The following ZNF407 variants were observed in gnomAD, a reference collection of about 807,000 sequenced individuals.
ZNF407 encodes the protein zinc finger protein 407.
A neutral mutation model predicts 131.2 loss-of-function variants in ZNF407; 17 were observed. The observed-to-expected ratio is 0.13, with a 90% CI of 0.09 to 0.19. The LOEUF (loss-of-function observed/expected upper bound fraction) is 0.19, where lower values mean the gene tolerates loss of function less well. Among genes scored for constraint, ZNF407 ranks in the 10% least tolerant of loss-of-function variants. The pLI is 1.00. For missense variants in ZNF407, 2,681 were observed against 2,830.6 expected, an observed-to-expected ratio of 0.95 and a Z score of 1.20; for synonymous variants, 1,156 against 1,062.0, an observed-to-expected ratio of 1.09 and a Z score of -1.72.
intron 6 of ZNF407, 64 bp downstream of exon 6, chr18:74,881,183 A>C: frequency 1.5e-6 from 2 of 1,375,204 alleles, no homozygotes; most frequent in Non-Finnish European, 2.0e-6. Context: ...CCCAGCCTCA[A>C]TTCTTGATGT....
rs1272986885 is a variant in ZNF407 at position 74,633,128 on chromosome 18, TCA to T, written c.2110_2111del (p.Gln704ValfsTer4). On this transcript the variant is annotated frameshift_variant, in exon 2 of 9. Coordinates refer to ENST00000299687, the MANE Select transcript of ZNF407 (RefSeq NM_017757.3). LOFTEE classifies it high-confidence loss of function. The part of the protein sequence containing the change: ...GNEVRHSSKP[Q>X]FQCKKCFYKT... Reference sequence around the variant, plus strand: ...ATGAAGTGAGGCATTCCAGTAAGCCTCAGTTTCAGTGTAAGAAGTGTTTTTAT... The same window carrying T: ...ATGAAGTGAGGCATTCCAGTAAGCCTGTTTCAGTGTAAGAAGTGTTTTTAT... 1.2e-6 allele frequency: 2 copies of T among 1,613,166 alleles called. No homozygotes were observed. The highest frequency in any genetic ancestry group is 1.7e-6 in the Non-Finnish European group (2 of 1,179,754).
At chr18:74,927,206 C>G (rs1971925896) in intron 8 of ZNF407, among the ~76,000 whole-genome samples, 1 of 152,172 alleles carries the variant, frequency 6.6e-6, no homozygotes, top group Non-Finnish European at 1.5e-5. Context: ...AATCTGTCTT[C>G]AAGAGGTTAT....
At chr18:74,647,260 T>C (rs553959644) in intron 3 of ZNF407, among the ~76,000 whole-genome samples, 6 of 152,202 alleles carry the variant, frequency 3.9e-5, no homozygotes, top group East Asian at 1.9e-4. Flanking sequence ...CTGAGCAACA[T>C]AGGGAGACCC....
intron 8 of ZNF407, among the ~76,000 whole-genome samples, chr18:75,016,887 T>G (rs555041393): frequency 2.5e-4 from 38 of 152,262 alleles, no homozygotes; most frequent in African/African-American, 9.1e-4. Flanking sequence ...TTGTAGCCAC[T>G]GTTATCACAA....
chr18:74,760,369 C>T (rs1969067406), intron 3 of ZNF407, among the ~76,000 whole-genome samples: 1 of 152,124 alleles, frequency 6.6e-6, no homozygotes, highest in Admixed American at 6.6e-5. Flanking sequence ...TTTCAGATTT[C>T]TCCCTTCATT....
intron 4 of ZNF407, among the ~76,000 whole-genome samples, chr18:74,849,783 A>C (rs1970755777): frequency 1.3e-5 from 2 of 152,334 alleles, no homozygotes; most frequent in South Asian, 4.1e-4. Flanking sequence ...AGCTTCAAGA[A>C]AAGATAATAA....
At chr18:74,853,937 G>A (rs779923509) in intron 4 of ZNF407, among the ~76,000 whole-genome samples, 59 of 152,120 alleles carry the variant, frequency 3.9e-4, no homozygotes, top group Admixed American at 7.9e-4. Context: ...TTTTGTTTTC[G>A]GATCAGTGGG....
intron 1 of ZNF407, among the ~76,000 whole-genome samples, chr18:74,623,616 C>T (rs776054436): frequency 1.3e-5 from 2 of 152,224 alleles, no homozygotes; most frequent in Admixed American, 1.3e-4. Context: ...CAGAAAGAAA[C>T]GTCCTGTGAG....
intron 3 of ZNF407, among the ~76,000 whole-genome samples, chr18:74,775,479 G>A (rs779220808): frequency 6.6e-6 from 1 of 152,236 alleles, no homozygotes; most frequent in Non-Finnish European, 1.5e-5. Flanking sequence ...TGCAAGTGCA[G>A]TATGTGGTAA....
chr18:74,863,723 T>G (rs1194685897), intron 4 of ZNF407, among the ~76,000 whole-genome samples: 5 of 152,220 alleles, frequency 3.3e-5, no homozygotes, highest in Middle Eastern at 3.2e-3. Context: ...TTTTCTATTC[T>G]AGTCTCACAA....
intron 3 of ZNF407, among the ~76,000 whole-genome samples, chr18:74,722,138 C>A (rs1352286878): frequency 1.3e-5 from 2 of 151,124 alleles, no homozygotes; most frequent in African/African-American, 2.4e-5. Context: ...TGATGTTGAA[C>A]TTTTATCTGT....
At chr18:74,827,363 A>T (rs1408419927) in intron 4 of ZNF407, among the ~76,000 whole-genome samples, 1 of 151,488 alleles carries the variant, frequency 6.6e-6, no homozygotes. Context: ...TTATGTTTTG[A>T]TTTTTCTGTT....
intron 4 of ZNF407, among the ~76,000 whole-genome samples, chr18:74,860,540 C>T (rs953445968): frequency 2.0e-5 from 3 of 150,452 alleles, no homozygotes; most frequent in African/African-American, 4.9e-5. Flanking sequence ...AAAATGAAAT[C>T]GTCTATTTTC....
rs1318461431 is a variant in ZNF407 at position 74,903,093 on chromosome 18, G to T, written c.5249+13055G>T. On this transcript the variant is annotated intron_variant, in intron 7 of 8. Coordinates refer to ENST00000299687, the MANE Select transcript of ZNF407 (RefSeq NM_017757.3). ...CTTATGTGACCAGGCCTGCCAGACT[G>T]CCCACTAAACTGTGCTCCTATACAT... is the stretch of plus-strand genomic sequence containing the variant. 2.6e-5 allele frequency among the ~76,000 whole-genome samples: 4 copies of T among 152,284 alleles called. No individual in the cohort carries two copies. The South Asian group carries it at 6.2e-4, about 24-fold the overall frequency.
intron 3 of ZNF407, among the ~76,000 whole-genome samples, chr18:74,761,492 A>G (rs1262359076): frequency 6.6e-6 from 1 of 152,124 alleles, no homozygotes; most frequent in Non-Finnish European, 1.5e-5. Context: ...ACAAGATGTA[A>G]AAGTTACATG....
intron 8 of ZNF407, among the ~76,000 whole-genome samples, chr18:75,022,391 C>T (rs2122205359): frequency 6.6e-6 from 1 of 152,322 alleles, no homozygotes; most frequent in East Asian, 1.9e-4. Context: ...GTCACTTTGA[C>T]TGTCATTCAC....
intron 8 of ZNF407, among the ~76,000 whole-genome samples, chr18:75,019,223 A>G (rs1467341162): frequency 1.3e-5 from 2 of 152,212 alleles, no homozygotes; most frequent in Non-Finnish European, 2.9e-5. Flanking sequence ...CTTATATAAA[A>G]TACATAAATA....
At chr18:74,697,052 C>CT (rs1287558362) in intron 3 of ZNF407, among the ~76,000 whole-genome samples, 1 of 152,150 alleles carries the variant, frequency 6.6e-6, no homozygotes, top group Non-Finnish European at 1.5e-5. Context: ...TTGATTGCTG[C>CT]TTTGGAGAGC....
Position 74,664,177 on chromosome 18 carries a change from C to T in ZNF407, c.4802+23055C>T, listed in dbSNP as rs184092882. Among the ~76,000 whole-genome samples, 19 of 152,274 alleles carry T rather than the reference C, an allele frequency of 1.2e-4. No individual in the cohort carries two copies. The East Asian group carries it at 3.1e-3, about 25-fold the overall frequency. On this transcript the variant is annotated intron_variant, in intron 3 of 8. Coordinates refer to ENST00000299687, the MANE Select transcript of ZNF407 (RefSeq NM_017757.3). ...GTTCCAGTGAATACCATTTAACCAA[C>T]GACAGCTATCACCACAGTCTCTTAA...
Sources: allele counts gnomAD v4.1 joint callset (sites outside exome capture counted in the v4.1 genomes callset), GRCh38; gene constraint gnomAD v4.1.1; transcripts MANE v1.5; gene names NCBI Gene and HGNC (gene_info 2026-07-23, HGNC 2026-07-21).